Variants in STAT3 observed in about 807,000 individuals in gnomAD.
The protein encoded by STAT3 is DNA-binding protein APRF.
A neutral mutation model predicts 114.3 loss-of-function variants in STAT3; 7 were observed. The ratio of observed to expected loss-of-function variants is 0.06; its 90% confidence interval spans 0.03 to 0.11. STAT3 has a LOEUF of 0.11. STAT3 is among the 10% of genes least tolerant of loss of function. STAT3 has a pLI of 1.00. For synonymous variants in STAT3, 331 were observed against 354.5 expected, an observed-to-expected ratio of 0.93 and a Z score of 0.74; for missense variants, 364 against 960.9, an observed-to-expected ratio of 0.38 and a Z score of 8.21.
chr17:42,368,537 G>A lies in STAT3; in HGVS notation c.-24+19742C>T, dbSNP rs573769226. 2.6e-5 allele frequency among the ~76,000 whole-genome samples: 4 copies of A among 152,250 alleles called. No homozygotes were observed. The East Asian group carries it at 7.7e-4, about 29-fold the overall frequency. The stretch of plus-strand genomic sequence containing the variant: ...TGCAGTGGTGCAATCTCAGCTCACT[G>A]CAACCTCTGCCTCCTGAGTTCAAGC... On this transcript the variant is annotated intron_variant, in intron 1 of 23. Transcript: ENST00000264657.
At chr17:42,339,616 T>C (rs1442468412) in intron 4 of STAT3, among the ~76,000 whole-genome samples, 1 of 152,138 alleles carries the variant, frequency 6.6e-6, no homozygotes, top group African/African-American at 2.4e-5. Context: ...TTTATGGCAC[T>C]AAGAGACCAC....
rs17882334 is a variant in STAT3, at chr17:42,348,325, A to G, written c.128+64T>C. On this transcript the variant is annotated intron_variant, in intron 2 of 23. Transcript: ENST00000264657. ...TGGAACAGCAAGGCATGACATTAAG[A>G]GTTCATGTCTCTTGACTCAAACTGA... The G allele has an allele frequency of 1.1e-3, 1,819 of 1,592,664 alleles. 25 individuals are homozygous for G. The African/African-American group carries it at 0.022, about 19-fold the overall frequency.
chr17:42,356,231 T>C (rs570269893), intron 1 of STAT3, among the ~76,000 whole-genome samples: 1 of 152,130 alleles, frequency 6.6e-6, no homozygotes, highest in South Asian at 2.1e-4. Flanking sequence ...ATGTGGAAAA[T>C]TTAGAAAAAT....
At position 42,332,802 on chromosome 17, in the gene STAT3, G is replaced by A. The variant is rs188942064; in HGVS notation, c.1049+871C>T. 9.9e-5 allele frequency among the ~76,000 whole-genome samples: 15 copies of A among 151,634 alleles called. No individual in the cohort carries two copies. In the East Asian group the frequency reaches 2.7e-3, roughly 28 times the overall value. ...TTGCAGTGAGTTGAGATTGCAACACGCACTCTGGCCTGGCCGAAAGAGCGA... is the reference window on the plus strand; with the variant it reads ...TTGCAGTGAGTTGAGATTGCAACACACACTCTGGCCTGGCCGAAAGAGCGA... On this transcript the variant is annotated intron_variant, in intron 10 of 23. Transcript: ENST00000264657.
chr17:42,343,187 AC>A (rs1405533661), intron 4 of STAT3, among the ~76,000 whole-genome samples: 24 of 150,284 alleles, frequency 1.6e-4, no homozygotes, highest in Non-Finnish European at 2.4e-4. Context: ...AAAAAAAAAA[AC>A]AAAGGTTACA....
Position 42,352,264 on chromosome 17 carries a change from G to A in STAT3, c.-23-3725C>T, listed in dbSNP as rs374662889. 2.9e-3 allele frequency among the ~76,000 whole-genome samples: 446 copies of A among 151,978 alleles called. 2 individuals are homozygous for A. The highest frequency in any genetic ancestry group is 0.01 in the African/African-American group (423 of 41,476). Reference sequence around the variant, plus strand: ...TGAGGCAGGAGAATCACTTGAACCCGGGAGGTGGAGGTTGTAGTGAGCCGA... The same window carrying A: ...TGAGGCAGGAGAATCACTTGAACCCAGGAGGTGGAGGTTGTAGTGAGCCGA... On this transcript the variant is annotated intron_variant, in intron 1 of 23. Coordinates refer to ENST00000264657, the MANE Select transcript of STAT3 (RefSeq NM_139276.3).
In STAT3 at chr17:42,362,605, C is replaced by G. The variant is rs150477747; in HGVS notation, c.-23-14066G>C. Among the ~76,000 whole-genome samples the G allele has an allele frequency of 2.8e-4, 43 of 152,324 alleles. No homozygotes were observed. The East Asian group carries it at 7.9e-3, about 28-fold the overall frequency. On this transcript the variant is annotated intron_variant, in intron 1 of 23. Coordinates refer to ENST00000264657, the MANE Select transcript of STAT3 (RefSeq NM_139276.3). ...TGGTTCCACCACTTCGATCACTTAGCGTGTAGCTGGTGCCAGTTATTTATC... is the reference window on the plus strand; with the variant it reads ...TGGTTCCACCACTTCGATCACTTAGGGTGTAGCTGGTGCCAGTTATTTATC...
chr17:42,373,012 CTG>C (rs755379134), intron 1 of STAT3, among the ~76,000 whole-genome samples: 2 of 152,140 alleles, frequency 1.3e-5, no homozygotes, highest in African/African-American at 2.4e-5. Context: ...TGGAAACTCT[CTG>C]TACTTTCCAC....
At chr17:42,345,823 G>A (rs940603330) in intron 3 of STAT3, among the ~76,000 whole-genome samples, 166 bp from the exon 4 acceptor site, 1 of 151,696 alleles carries the variant, frequency 6.6e-6, no homozygotes, top group Non-Finnish European at 1.5e-5. Flanking sequence ...TCGGCGGGGG[G>A]CGAAGGGGAG....
intron 1 of STAT3, among the ~76,000 whole-genome samples, chr17:42,376,851 A>C (rs955503023): frequency 5.3e-5 from 8 of 152,092 alleles, no homozygotes; most frequent in Non-Finnish European, 1.2e-4. Flanking sequence ...GTCTCAAAAA[A>C]AAAAAATTGG....
Position 42,337,010 on chromosome 17 carries a change from T to G in STAT3, c.797+425A>C, listed in dbSNP as rs571892580. ...ATTTTTTTGAGATGGAGTCTCACTC[T>G]GTCTCCCAGGCTGGTTGGTGTGCGG... is the stretch of plus-strand genomic sequence containing the variant. On this transcript the variant is annotated intron_variant, in intron 8 of 23. Transcript: ENST00000264657. This position sits in a 1 kb window ranked among gnomAD's most constrained non-coding sequence, Gnocchi z 4.0. Among the ~76,000 whole-genome samples the G allele has an allele frequency of 1.3e-5, 2 of 152,316 alleles. No individual in the cohort carries two copies. Among genetic ancestry groups the G allele is most frequent in the South Asian group, 4.1e-4 (2 of 4,828 alleles).
chr17:42,325,888 T>C (rs1172075194), intron 15 of STAT3, among the ~76,000 whole-genome samples: 1 of 152,230 alleles, frequency 6.6e-6, no homozygotes, highest in Non-Finnish European at 1.5e-5. Flanking sequence ...GAGATTTTCA[T>C]ATCAAGTTTG....
intron 3 of STAT3, among the ~76,000 whole-genome samples, 189 bp downstream of exon 3, chr17:42,346,380 C>A (rs1297655691): frequency 1.3e-5 from 2 of 152,182 alleles, no homozygotes; most frequent in Non-Finnish European, 2.9e-5. Flanking sequence ...AGAAGTGATT[C>A]TCAGGTAATG....
chr17:42,316,078 C>A, intron 23 of STAT3: 2 of 1,378,234 alleles, frequency 1.5e-6, no homozygotes, highest in Non-Finnish European at 1.9e-6. Flanking sequence ...CCTTGATCTA[C>A]TGTTTAATTC....
At chr17:42,351,217 T>A (rs1199648910) in intron 1 of STAT3, among the ~76,000 whole-genome samples, 1 of 152,094 alleles carries the variant, frequency 6.6e-6, no homozygotes, top group Non-Finnish European at 1.5e-5. Flanking sequence ...AAAATGTTAT[T>A]GCAACATATG....
At chr17:42,359,940 G>A (rs17881974) in intron 1 of STAT3, among the ~76,000 whole-genome samples, 77 of 151,440 alleles carry the variant, frequency 5.1e-4, no homozygotes, top group African/African-American at 1.8e-3. Flanking sequence ...GGCACCTGCA[G>A]TCCCAGCTAC....
In STAT3 at chr17:42,376,674, G is replaced by A. The variant is rs544709697; in HGVS notation, c.-24+11605C>T. ...ATCCTGGCTAACATGGTGAAACCCC[G>A]ACTCTACTAAAAATACAAAAAATTA... On this transcript the variant is annotated intron_variant, in intron 1 of 23. Transcript: ENST00000264657. Among the ~76,000 whole-genome samples the A allele has an allele frequency of 8.0e-5, 12 of 150,798 alleles. No homozygotes were observed. The East Asian group carries it at 1.4e-3, about 17-fold the overall frequency.
At chr17:42,317,501 C>T (rs546233599) in intron 21 of STAT3, 2 of 541,636 alleles carry the variant, frequency 3.7e-6, no homozygotes, top group Non-Finnish European at 6.6e-6. Flanking sequence ...TGACCCTAGA[C>T]TAATGCCACC....
intron 1 of STAT3, among the ~76,000 whole-genome samples, chr17:42,375,433 AG>A (rs1292449639): frequency 2.6e-5 from 4 of 152,230 alleles, no homozygotes; most frequent in Admixed American, 6.5e-5. Context: ...CTTCTTTTTA[AG>A]CAAATAACCC....
Sources: allele counts gnomAD v4.1 joint callset (sites outside exome capture counted in the v4.1 genomes callset), GRCh38; gene constraint gnomAD v4.1.1; non-coding constraint Gnocchi (gnomAD v3.1); transcripts MANE v1.5; gene names NCBI Gene and HGNC (gene_info 2026-07-23, HGNC 2026-07-21).